FANCL: variants seen among roughly 807,000 people sequenced by gnomAD.
The protein encoded by FANCL is E3 ubiquitin-protein ligase FANCL.
A neutral mutation model predicts 59.4 loss-of-function variants in FANCL; 69 were observed. That is an observed-to-expected ratio of 1.16 (90% CI 0.96 to 1.42). FANCL has a LOEUF of 1.42. Among genes scored for constraint, FANCL ranks in the 40% most tolerant of loss-of-function variants. The probability of loss-of-function intolerance (pLI) is 0.00; values close to 1 mark genes in which losing one functional copy is unlikely to be tolerated. For missense variants in FANCL, 519 were observed against 447.2 expected, an observed-to-expected ratio of 1.16 and a Z score of -1.45; for synonymous variants, 180 against 147.1, an observed-to-expected ratio of 1.22 and a Z score of -1.62.
chr2:58,224,211 G>A (rs953724495), intron 4 of FANCL, among the ~76,000 whole-genome samples: 2 of 151,472 alleles, frequency 1.3e-5, no homozygotes, highest in African/African-American at 4.8e-5. Context: ...GAGTTTAATG[G>A]GACATGATAT....
intron 8 of FANCL, among the ~76,000 whole-genome samples, chr2:58,163,900 T>C (rs1008056176): frequency 6.6e-6 from 1 of 151,922 alleles, no homozygotes; most frequent in Non-Finnish European, 1.5e-5. Context: ...CCTGAAAAAG[T>C]TTACATTTCA....
intron 7 of FANCL, 25 bp downstream of exon 7, chr2:58,198,569 A>G: frequency 6.3e-7 from 1 of 1,597,324 alleles, no homozygotes; most frequent in Non-Finnish European, 8.6e-7. Context: ...AAACAAATTT[A>G]AGAATTTACC....
intron 7 of FANCL, among the ~76,000 whole-genome samples, chr2:58,174,178 C>T (rs1196050056): frequency 6.6e-6 from 1 of 152,128 alleles, no homozygotes; most frequent in Non-Finnish European, 1.5e-5. Context: ...GACTCCCACA[C>T]AATAATAATG....
intron 7 of FANCL, among the ~76,000 whole-genome samples, chr2:58,187,997 C>T (rs1675099979): frequency 6.6e-6 from 1 of 152,106 alleles, no homozygotes; most frequent in Non-Finnish European, 1.5e-5. Context: ...GAAATATCTG[C>T]CTAGCCTAGA....
rs752869374 is a variant in FANCL, at chr2:58,233,631, T to C, written c.97-1519A>G. On this transcript the variant is annotated intron_variant, in intron 1 of 13. Transcript: ENST00000233741. Reference sequence around the variant, plus strand: ...CTACAGGAAGAAAAATATGAAGCACTTTCCAATAGAACCTACTCTAGGACT... The same window carrying C: ...CTACAGGAAGAAAAATATGAAGCACCTTCCAATAGAACCTACTCTAGGACT... Among the ~76,000 whole-genome samples the C allele has an allele frequency of 1.3e-5, 2 of 151,984 alleles. 1 individual carries two copies. The highest frequency in any genetic ancestry group is 2.9e-5 in the Non-Finnish European group (2 of 67,946).
intron 12 of FANCL, among the ~76,000 whole-genome samples, 184 bp downstream of exon 12, chr2:58,161,338 C>T (rs1378806833): frequency 2.6e-5 from 4 of 151,872 alleles, no homozygotes; most frequent in Non-Finnish European, 2.9e-5. Context: ...TTTCTCCACT[C>T]ATTAGTAACT....
intron 13 of FANCL, 116 bp from the exon 14 acceptor site, chr2:58,159,916 TG>T: frequency 6.5e-7 from 1 of 1,541,318 alleles, no homozygotes; most frequent in African/African-American, 1.4e-5. Flanking sequence ...AAAACACTTC[TG>T]AAGTTTCAGA....
At chr2:58,222,421 A>G (rs1692577802) in intron 4 of FANCL, among the ~76,000 whole-genome samples, 1 of 152,096 alleles carries the variant, frequency 6.6e-6, no homozygotes, top group Admixed American at 6.5e-5. Flanking sequence ...CCTCTAAAGA[A>G]AGGCCTGAAC....
At chr2:58,178,409 A>T (rs920600847) in intron 7 of FANCL, among the ~76,000 whole-genome samples, 4 of 152,174 alleles carry the variant, frequency 2.6e-5, no homozygotes, top group Admixed American at 2.6e-4. Flanking sequence ...CAACCCTAGG[A>T]TTCAAGGCTG....
At chr2:58,177,158 T>C (rs936087914) in intron 7 of FANCL, among the ~76,000 whole-genome samples, 3 of 152,032 alleles carry the variant, frequency 2.0e-5, no homozygotes, top group Non-Finnish European at 4.4e-5. Flanking sequence ...TGTGGAGAAA[T>C]AGGAACACTT....
chr2:58,198,697 TTC>T, intron 6 of FANCL, 35 bp from the exon 7 acceptor site: 1 of 1,544,054 alleles, frequency 6.5e-7, no homozygotes, highest in Non-Finnish European at 9.0e-7. Context: ...CCATTTTTGC[TTC>T]TGTGTGTTAA....
intron 1 of FANCL, 74 bp downstream of exon 1, chr2:58,241,144 C>A: frequency 1.3e-6 from 2 of 1,514,242 alleles, no homozygotes; most frequent in Non-Finnish European, 1.8e-6. Flanking sequence ...AACCTCCTAG[C>A]CCGTCACAGA....
chr2:58,163,674 T>G (rs1329274286), intron 8 of FANCL, among the ~76,000 whole-genome samples, 157 bp from the exon 9 acceptor site: 1 of 151,986 alleles, frequency 6.6e-6, no homozygotes, highest in Non-Finnish European at 1.5e-5. Flanking sequence ...TAAATATAAT[T>G]GAACCAAAAG....
chr2:58,162,521 T>C (rs1685346693), intron 11 of FANCL, among the ~76,000 whole-genome samples: 2 of 151,796 alleles, frequency 1.3e-5, no homozygotes, highest in African/African-American at 4.8e-5. Context: ...CAAATGCAGA[T>C]CAAAAATACA....
intron 4 of FANCL, among the ~76,000 whole-genome samples, chr2:58,225,686 A>C (rs1194352435): frequency 6.6e-6 from 1 of 152,064 alleles, no homozygotes; most frequent in Non-Finnish European, 1.5e-5. Context: ...TGAAGCCTCT[A>C]GATCTAACTG....
chr2:58,214,505 G>C (rs1488201338), intron 5 of FANCL, among the ~76,000 whole-genome samples: 1 of 151,886 alleles, frequency 6.6e-6, no homozygotes, highest in South Asian at 2.1e-4. Context: ...GTTCCATGAG[G>C]AATCTTTATT....
chr2:58,210,839 T>A (rs58495080), intron 5 of FANCL, among the ~76,000 whole-genome samples: 4,528 of 152,276 alleles, frequency 0.03, 239 homozygotes, highest in African/African-American at 0.1. Flanking sequence ...TGACTCCATG[T>A]CTCACATCCA....
At chr2:58,165,507 T>A (rs568949752) in intron 8 of FANCL, among the ~76,000 whole-genome samples, 1 of 152,188 alleles carries the variant, frequency 6.6e-6, no homozygotes, top group African/African-American at 2.4e-5. Context: ...GTTACCTCCA[T>A]TGGATCATCA....
At chr2:58,241,369 G>T, upstream of FANCL, 1 of 1,551,576 alleles carries the variant, frequency 6.4e-7, no homozygotes, top group Non-Finnish European at 8.8e-7. Flanking sequence ...TCCTGCACAT[G>T]CGCAGTCCGC....
Sources: allele counts gnomAD v4.1 joint callset (sites outside exome capture counted in the v4.1 genomes callset), GRCh38; gene constraint gnomAD v4.1.1; transcripts MANE v1.5; gene names NCBI Gene and HGNC (gene_info 2026-07-23, HGNC 2026-07-21).